Variants in CAMK2D observed in about 807,000 individuals in gnomAD.
The protein encoded by CAMK2D is calcium/calmodulin dependent protein kinase II delta.
Under a neutral mutation model 84.0 loss-of-function variants are expected in CAMK2D, and 37 were observed. The ratio of observed to expected loss-of-function variants is 0.44; its 90% CI spans 0.34 to 0.58. The LOEUF is 0.58. Ranked by LOEUF, CAMK2D falls within the 20% of genes least tolerant of loss-of-function variation. The pLI is 0.02. For missense variants in CAMK2D, 448 were observed against 652.5 expected, an observed-to-expected ratio of 0.69 and a Z score of 3.41; for synonymous variants, 202 against 212.5, an observed-to-expected ratio of 0.95 and a Z score of 0.43.
intron 8 of CAMK2D, among the ~76,000 whole-genome samples, chr4:113,518,006 T>G (rs989224135): frequency 2.0e-5 from 3 of 152,198 alleles, no homozygotes; most frequent in South Asian, 2.1e-4. Context: ...GACTATGATT[T>G]TAGTCACTGT....
chr4:113,497,366 GAC>G (rs1402534726), intron 16 of CAMK2D, among the ~76,000 whole-genome samples: 1 of 152,152 alleles, frequency 6.6e-6, no homozygotes, highest in Non-Finnish European at 1.5e-5. Flanking sequence ...AAACAGCCTA[GAC>G]ACAATTCAAA....
chr4:113,660,118 T>C (rs188154087), intron 3 of CAMK2D, among the ~76,000 whole-genome samples: 1 of 152,210 alleles, frequency 6.6e-6, no homozygotes, highest in Non-Finnish European at 1.5e-5. Context: ...TACATCACTG[T>C]TACCCCTTTT....
intron 6 of CAMK2D, among the ~76,000 whole-genome samples, chr4:113,538,643 A>G (rs1342546132): frequency 3.3e-5 from 5 of 152,208 alleles, no homozygotes; most frequent in African/African-American, 1.2e-4. Flanking sequence ...TTAAAAATCA[A>G]ATTGGCTAAA....
chr4:113,493,173 G>T (rs907000718), intron 16 of CAMK2D, among the ~76,000 whole-genome samples: 4 of 150,536 alleles, frequency 2.7e-5, no homozygotes, highest in African/African-American at 9.8e-5. Flanking sequence ...GTGTGAATTT[G>T]ATCCTGTCAT....
intron 2 of CAMK2D, among the ~76,000 whole-genome samples, chr4:113,723,440 C>T (rs1447080458): frequency 6.6e-6 from 1 of 151,888 alleles, no homozygotes; most frequent in East Asian, 1.9e-4. Context: ...GCCAGGCTGG[C>T]CTCGAACTCA....
At chr4:113,739,775 T>A (rs2099588708) in intron 2 of CAMK2D, among the ~76,000 whole-genome samples, 1 of 152,158 alleles carries the variant, frequency 6.6e-6, no homozygotes, top group Admixed American at 6.5e-5. Flanking sequence ...ATTCTGAAAC[T>A]CAACTTCCAT....
chr4:113,609,813 A>T (rs566388704), intron 3 of CAMK2D, among the ~76,000 whole-genome samples: 1 of 152,326 alleles, frequency 6.6e-6, no homozygotes, highest in East Asian at 1.9e-4. Context: ...AAATCCATTT[A>T]CCAAGTCATT....
chr4:113,690,492 G>A (rs1433862717), intron 2 of CAMK2D, among the ~76,000 whole-genome samples: 4 of 152,082 alleles, frequency 2.6e-5, no homozygotes, highest in South Asian at 2.1e-4. Context: ...TTAGTCTTAT[G>A]CCTCCAAACA....
chr4:113,464,652 G>C (rs1334469395), intron 17 of CAMK2D, among the ~76,000 whole-genome samples: 2 of 152,084 alleles, frequency 1.3e-5, no homozygotes, highest in Non-Finnish European at 2.9e-5. Flanking sequence ...TATGATCCAG[G>C]AGTTTATAAA....
At chr4:113,742,409 G>A (rs2148936193) in intron 2 of CAMK2D, among the ~76,000 whole-genome samples, 1 of 152,070 alleles carries the variant, frequency 6.6e-6, no homozygotes, top group East Asian at 1.9e-4. Context: ...GTAGAGAAGG[G>A]AAAAATCATG....
chr4:113,693,384 T>A (rs1310729415), intron 2 of CAMK2D, among the ~76,000 whole-genome samples: 4 of 152,166 alleles, frequency 2.6e-5, no homozygotes, highest in African/African-American at 9.7e-5. Flanking sequence ...TTTATTAGTG[T>A]AAAGCATTTA....
At chr4:113,538,777 T>C (rs2098510645) in intron 6 of CAMK2D, among the ~76,000 whole-genome samples, 1 of 152,084 alleles carries the variant, frequency 6.6e-6, no homozygotes, top group African/African-American at 2.4e-5. Context: ...TAACCAGAAC[T>C]TGGAAGAAAT....
intron 8 of CAMK2D, 23 bp from the exon 9 acceptor site, chr4:113,517,680 C>T: frequency 1.8e-6 from 2 of 1,135,964 alleles, no homozygotes; most frequent in Non-Finnish European, 1.3e-6. Flanking sequence ...ATAATGTTAA[C>T]ACAATTTAAG....
intron 8 of CAMK2D, among the ~76,000 whole-genome samples, chr4:113,525,082 A>G (rs1431342805): frequency 6.6e-6 from 1 of 152,212 alleles, no homozygotes; most frequent in African/African-American, 2.4e-5. Flanking sequence ...CTGAAATATG[A>G]AAAGGTTAAA....
rs1433056700 is a variant in CAMK2D, at chr4:113,491,407, G to T, written c.1135+9056C>A. Among the ~76,000 whole-genome samples the T allele has an allele frequency of 3.3e-3, 489 of 146,374 alleles. 2 individuals are homozygous for T. The highest frequency in any genetic ancestry group is 0.012 in the African/African-American group (471 of 39,118). ...CTGCATCTATTGAGATAATCATGTG[G>T]TTTTTGTCTTTGGCTCTGTGTATAT... On this transcript the variant is annotated intron_variant, in intron 16 of 20. Transcript: ENST00000511664.
chr4:113,553,271 C>A (rs1478463848), intron 4 of CAMK2D, among the ~76,000 whole-genome samples: 1 of 152,150 alleles, frequency 6.6e-6, no homozygotes, highest in Admixed American at 6.5e-5. Context: ...CCATCCACTC[C>A]ACAGCTCATG....
intron 16 of CAMK2D, among the ~76,000 whole-genome samples, chr4:113,490,561 T>G (rs933416992): frequency 6.8e-6 from 1 of 146,014 alleles, no homozygotes; most frequent in African/African-American, 2.6e-5. Context: ...TAGTATAGTT[T>G]GAAGTCAGGT....
At chr4:113,620,940 T>C (rs1180795202) in intron 3 of CAMK2D, among the ~76,000 whole-genome samples, 1 of 152,166 alleles carries the variant, frequency 6.6e-6, no homozygotes, top group East Asian at 1.9e-4. Flanking sequence ...ACATATTTTT[T>C]ATTTTTTGGA....
At chr4:113,460,355 C>T in intron 17 of CAMK2D, 114 bp from the exon 18 acceptor site, 1 of 708,116 alleles carries the variant, frequency 1.4e-6, no homozygotes, top group Non-Finnish European at 2.5e-6. Flanking sequence ...CCTCTAAAAA[C>T]ACTTACATAC....
Sources: gnomAD v4.1 joint callset for allele counts (sites outside exome capture counted in the v4.1 genomes callset) on GRCh38, gnomAD v4.1.1 for gene constraint, MANE v1.5 for transcripts, NCBI Gene and HGNC (gene_info 2026-07-23, HGNC 2026-07-21) for gene names.